The following NFIA variants were observed in gnomAD, a reference collection of about 807,000 sequenced individuals.
NFIA encodes nuclear factor I A, also known as nuclear factor 1 A-type.
In NFIA, 8 loss-of-function variants were observed where a neutral mutation model predicts 62.8. The ratio of observed to expected loss-of-function variants is 0.13; its 90% CI spans 0.07 to 0.23. NFIA has a LOEUF of 0.23. Among genes scored for constraint, NFIA ranks in the 10% least tolerant of loss-of-function variants. NFIA has a pLI of 1.00. For missense variants in NFIA, 410 were observed against 642.1 expected (o/e 0.64, Z 3.91); for synonymous variants, 235 against 238.1 (o/e 0.99, Z 0.12).
At chr1:61,266,744 C>T (rs1657195332) in intron 2 of NFIA, among the ~76,000 whole-genome samples, 1 of 152,150 alleles carries the variant, frequency 6.6e-6, no homozygotes, top group Non-Finnish European at 1.5e-5. Context: ...TCCATTTCAA[C>T]AAACATGTGT....
intron 4 of NFIA, among the ~76,000 whole-genome samples, chr1:61,343,735 A>C (rs74086789): frequency 0.061 from 9,283 of 152,298 alleles, 316 homozygotes; most frequent in Admixed American, 0.1. Flanking sequence ...CAGACCAGAA[A>C]TCTGCTTGGC....
intron 2 of NFIA, among the ~76,000 whole-genome samples, chr1:61,098,584 A>G (rs1176439787): frequency 1.3e-5 from 2 of 152,226 alleles, no homozygotes; most frequent in African/African-American, 4.8e-5. Flanking sequence ...ATTGTTGTGC[A>G]TTCCTGTCAG....
intron 2 of NFIA, among the ~76,000 whole-genome samples, chr1:61,194,359 C>T (rs751774643): frequency 4.5e-4 from 69 of 152,230 alleles, no homozygotes; most frequent in Middle Eastern, 6.8e-3. Context: ...TGTCTCAGAT[C>T]GCTGTCAGAT....
chr1:61,303,262 A>T (rs546831542), intron 3 of NFIA, among the ~76,000 whole-genome samples: 21 of 152,220 alleles, frequency 1.4e-4, no homozygotes, highest in Non-Finnish European at 2.6e-4. Flanking sequence ...CCCATACTTT[A>T]TTCCAGATAC....
chr1:61,325,970 A>G (rs1350292665), intron 3 of NFIA, among the ~76,000 whole-genome samples: 1 of 149,136 alleles, frequency 6.7e-6, no homozygotes, highest in African/African-American at 2.5e-5. Context: ...CCAAAGAATT[A>G]TACTCTTTAT....
chr1:61,309,170 G>A lies in NFIA; in HGVS notation c.626-23342G>A, dbSNP rs551522334. Among the ~76,000 whole-genome samples the A allele has an allele frequency of 5.0e-4, 76 of 152,110 alleles. 1 individual carries two copies. The highest frequency in any genetic ancestry group is 1.5e-3 in the African/African-American group (62 of 41,494). On this transcript the variant is annotated intron_variant, in intron 3 of 10. Transcript: ENST00000403491. ...TCGTCTGAGCTCTAACACTTTGTAC[G>A]TTGTAGTAATTTTATGGAGCCCAGT...
chr1:61,264,322 T>G (rs754459657), intron 2 of NFIA, among the ~76,000 whole-genome samples: 2 of 151,888 alleles, frequency 1.3e-5, no homozygotes, highest in Non-Finnish European at 2.9e-5. Context: ...TTAAAATACA[T>G]CCAGGTGACA....
intron 2 of NFIA, among the ~76,000 whole-genome samples, chr1:61,189,204 C>A (rs1304930869): frequency 6.6e-6 from 1 of 152,140 alleles, no homozygotes; most frequent in Non-Finnish European, 1.5e-5. Context: ...GAGACAGATT[C>A]AGAAGCTAAG....
At position 61,233,835 on chromosome 1, in the gene NFIA, C is replaced by T. The variant is rs530896909; in HGVS notation, c.560-43685C>T. Among the ~76,000 whole-genome samples, 27 of 152,294 alleles carry T rather than the reference C, an allele frequency of 1.8e-4. No individual in the cohort carries two copies. The South Asian group carries it at 5.2e-3, about 29-fold the overall frequency. On this transcript the variant is annotated intron_variant, in intron 2 of 10. Transcript: ENST00000403491. The stretch of plus-strand genomic sequence containing the variant: ...CTCCTGGAGATAGCTGTGGTCTCTC[C>T]TTGGGAGGGTGTTTGGCCATGGGTC...
intron 6 of NFIA, among the ~76,000 whole-genome samples, chr1:61,377,234 A>G (rs939990760): frequency 2.0e-5 from 3 of 152,096 alleles, no homozygotes; most frequent in African/African-American, 7.2e-5. Flanking sequence ...AAAAAAAGAA[A>G]GAAAGAGAAG....
intron 2 of NFIA, among the ~76,000 whole-genome samples, chr1:61,116,915 T>A (rs562706797): frequency 3.3e-4 from 50 of 152,256 alleles, no homozygotes; most frequent in Non-Finnish European, 6.8e-4. Context: ...CCTTATTTCC[T>A]GCATGTGTGA....
At chr1:61,426,231 G>A (rs958882763) in intron 9 of NFIA, among the ~76,000 whole-genome samples, 17 of 152,084 alleles carry the variant, frequency 1.1e-4, no homozygotes, top group African/African-American at 3.6e-4. Context: ...AAAATAGCTC[G>A]TCTGAGCATT....
At chr1:61,302,494 T>C (rs1659544497) in intron 3 of NFIA, among the ~76,000 whole-genome samples, 1 of 152,142 alleles carries the variant, frequency 6.6e-6, no homozygotes, top group South Asian at 2.1e-4. Context: ...TTTGTGGAAA[T>C]CCCCTTTAGA....
intron 6 of NFIA, among the ~76,000 whole-genome samples, chr1:61,368,777 C>G (rs1199034823): frequency 6.6e-6 from 1 of 152,190 alleles, no homozygotes; most frequent in Non-Finnish European, 1.5e-5. Context: ...AAACCCTAAA[C>G]TTACTGTATG....
chr1:61,249,272 C>T (rs1425338153), intron 2 of NFIA, among the ~76,000 whole-genome samples: 1 of 152,062 alleles, frequency 6.6e-6, no homozygotes, highest in African/African-American at 2.4e-5. Context: ...TAGACCACAA[C>T]AACATGGTAA....
chr1:61,458,005 A>C lies in NFIA; in HGVS notation c.*2685A>C, dbSNP rs1668379307. The stretch of plus-strand genomic sequence containing the variant: ...TACTGGTTATCTCTATTTAAGGAAA[A>C]AAAAATAAAATAAAACATTTTGGAT... On this transcript the variant is annotated 3_prime_UTR_variant, in exon 11 of 11. Transcript: ENST00000403491. The C allele has an allele frequency of 6.6e-6, 1 of 152,162 alleles. No homozygotes were observed. Among genetic ancestry groups the C allele is most frequent in the Admixed American group, 6.5e-5 (1 of 15,276 alleles). 9.4% of individuals were successfully genotyped at this position (152,162 alleles called of 1,614,324 possible).
At chr1:61,428,981 C>T (rs2207793) in intron 10 of NFIA, among the ~76,000 whole-genome samples, 64,484 of 151,960 alleles carry the variant, frequency 0.42, 14,540 homozygotes, top group South Asian at 0.59. Flanking sequence ...GTATCTTGTA[C>T]ATAAATCTAT....
intron 2 of NFIA, among the ~76,000 whole-genome samples, chr1:61,131,359 A>G (rs775334887): frequency 3.9e-5 from 6 of 152,178 alleles, no homozygotes; most frequent in Non-Finnish European, 5.9e-5. Context: ...TAGTGAATAA[A>G]TGTGACAATT....
intron 2 of NFIA, among the ~76,000 whole-genome samples, chr1:61,197,234 C>CTTTTTTTT (rs1002158986): frequency 5.4e-5 from 5 of 93,386 alleles, no homozygotes; most frequent in South Asian, 4.1e-4. Context: ...TACTCTGGTT[C>CTTTTTTTT]TTTTTTTTTT....
Sources: gnomAD v4.1 joint callset for allele counts (sites outside exome capture counted in the v4.1 genomes callset) on GRCh38, gnomAD v4.1.1 for gene constraint, MANE v1.5 for transcripts, NCBI Gene and HGNC (gene_info 2026-07-23, HGNC 2026-07-21) for gene names.